The following PCDH11X variants were observed in gnomAD, a reference collection of about 807,000 sequenced individuals.
PCDH11X encodes the protein protocadherin 11 X-linked.
Under a neutral mutation model 53.3 loss-of-function variants are expected in PCDH11X, and 18 were observed. That is an observed-to-expected ratio of 0.34 (90% CI 0.23 to 0.50). PCDH11X has a LOEUF of 0.50. Ranked by LOEUF, PCDH11X falls within the 20% of genes least tolerant of loss-of-function variation. The probability of loss-of-function intolerance (pLI) is 0.98; values close to 1 mark genes in which losing one functional copy is unlikely to be tolerated. For missense variants in PCDH11X, 570 were observed against 1,032.4 expected (o/e 0.55, Z 6.14); for synonymous variants, 279 against 393.3 (o/e 0.71, Z 3.44).
At chrX:92,388,285 T>A (rs1023532861) in intron 9 of PCDH11X, among the ~76,000 whole-genome samples, 1 of 111,388 alleles carries the variant, frequency 9.0e-6, no homozygotes, top group African/African-American at 3.2e-5. Flanking sequence ...TATATAAAAA[T>A]TATTTTCTAG....
At chrX:92,393,195 A>C (rs1454087746) in intron 9 of PCDH11X, among the ~76,000 whole-genome samples, 9 of 110,804 alleles carry the variant, frequency 8.1e-5, no homozygotes, top group African/African-American at 2.6e-4. Context: ...CCACTTAACA[A>C]AAAGAAATTA....
chrX:92,182,692 C>T lies in PCDH11X; in HGVS notation c.3034-18683C>T, dbSNP rs151108917. Among the ~76,000 whole-genome samples, 1,045 of 111,910 alleles carry T rather than the reference C, an allele frequency of 9.3e-3. 14 individuals carry two copies. Among genetic ancestry groups the T allele is most frequent in the African/African-American group, 0.032 (977 of 30,800 alleles). ...AGAGGAGTTCCTCTGTGCAAGCTCT[C>T]GCTCTTTGCTTACTGCCATCCATGT... On this transcript the variant is annotated intron_variant, in intron 6 of 10. Transcript: ENST00000682573.
intron 6 of PCDH11X, among the ~76,000 whole-genome samples, chrX:92,037,801 T>C (rs2063149288): frequency 9.0e-6 from 1 of 111,193 alleles, no homozygotes; most frequent in Admixed American, 9.6e-5. Context: ...TCAGTGATGT[T>C]GAGGGTTTTT....
At chrX:92,315,071 G>T (rs1201869468) in intron 8 of PCDH11X, among the ~76,000 whole-genome samples, 1 of 111,141 alleles carries the variant, frequency 9.0e-6, no homozygotes, top group Non-Finnish European at 1.9e-5. Context: ...ATGTCCCTGT[G>T]AAGTAAATGC....
chrX:91,994,820 GT>G (rs1308498356), intron 6 of PCDH11X, among the ~76,000 whole-genome samples: 2 of 110,672 alleles, frequency 1.8e-5, no homozygotes, highest in Non-Finnish European at 3.8e-5. Context: ...TGTTTTTACT[GT>G]TTTTTATAAT....
At chrX:92,309,063 G>A (rs893402355) in intron 8 of PCDH11X, among the ~76,000 whole-genome samples, 6 of 111,774 alleles carry the variant, frequency 5.4e-5, no homozygotes, top group Admixed American at 2.8e-4. Context: ...TGCAGCTGTT[G>A]TGAAACTGAG....
intron 8 of PCDH11X, among the ~76,000 whole-genome samples, chrX:92,315,261 C>A (rs1332776336): frequency 8.9e-6 from 1 of 112,144 alleles, no homozygotes; most frequent in East Asian, 2.8e-4. Flanking sequence ...CCTGCCAGAT[C>A]TATATAGCAT....
chrX:92,052,880 A>T (rs1170437892), intron 6 of PCDH11X, among the ~76,000 whole-genome samples: 2 of 111,245 alleles, frequency 1.8e-5, no homozygotes, highest in African/African-American at 6.5e-5. Flanking sequence ...AGAAAATTGT[A>T]CTATTTACTA....
chrX:92,441,489 C>T (rs2072514272), intron 9 of PCDH11X, among the ~76,000 whole-genome samples: 1 of 112,171 alleles, frequency 8.9e-6, no homozygotes, highest in Non-Finnish European at 1.9e-5. Context: ...GTCCCAGCTG[C>T]TCCAGTCATG....
chrX:92,109,186 C>T (rs904718568), intron 6 of PCDH11X, among the ~76,000 whole-genome samples: 17 of 110,970 alleles, frequency 1.5e-4, no homozygotes, highest in Non-Finnish European at 2.3e-4. Flanking sequence ...GCCTGGCTAA[C>T]GTGGTGAAAC....
chrX:92,405,879 G>C (rs898087043), intron 9 of PCDH11X, among the ~76,000 whole-genome samples: 12 of 110,600 alleles, frequency 1.1e-4, no homozygotes, highest in African/African-American at 4.0e-4. Context: ...TGGATCACGA[G>C]GTCAGGAGAT....
intron 8 of PCDH11X, among the ~76,000 whole-genome samples, chrX:92,292,791 A>G (rs2068518610): frequency 8.9e-6 from 1 of 112,281 alleles, no homozygotes; most frequent in Non-Finnish European, 1.9e-5. Context: ...TGAGATGTAG[A>G]GGAAAAAGAA....
chrX:92,036,192 G>A (rs2063123311), intron 6 of PCDH11X, among the ~76,000 whole-genome samples: 1 of 104,334 alleles, frequency 9.6e-6, no homozygotes, highest in East Asian at 3.1e-4. Flanking sequence ...ATGTTTTCCT[G>A]GAGGTTACTG....
At chrX:91,880,054 G>T (rs912152463) in intron 6 of PCDH11X, 3 of 454,954 alleles carry the variant, frequency 6.6e-6, no homozygotes, top group Non-Finnish European at 8.1e-6. Flanking sequence ...TAGGCACAAA[G>T]AAAACTGTGG....
intron 4 of PCDH11X, 38 bp downstream of exon 4, chrX:91,811,333 T>C (rs772794024): frequency 1.9e-6 from 2 of 1,078,888 alleles, no homozygotes; most frequent in Admixed American, 4.8e-5. Flanking sequence ...ATACGTCTCC[T>C]TTCCTCTGGG....
At chrX:92,257,253 C>T (rs2067611509) in intron 7 of PCDH11X, among the ~76,000 whole-genome samples, 1 of 111,187 alleles carries the variant, frequency 9.0e-6, no homozygotes, top group Admixed American at 9.6e-5. Context: ...TTCATGAGAA[C>T]TCCACCCCCA....
At chrX:91,918,602 C>A (rs1404114444) in intron 6 of PCDH11X, among the ~76,000 whole-genome samples, 2 of 110,173 alleles carry the variant, frequency 1.8e-5, no homozygotes, top group African/African-American at 6.6e-5. Flanking sequence ...TGTACTTGAT[C>A]TAAAATCTGT....
At chrX:92,357,034 G>A (rs1295754317) in intron 8 of PCDH11X, among the ~76,000 whole-genome samples, 1 of 110,884 alleles carries the variant, frequency 9.0e-6, no homozygotes, top group African/African-American at 3.3e-5. Flanking sequence ...TGAGGATGGA[G>A]CAAAGTTCAA....
chrX:92,367,242 T>G (rs1339110911), intron 8 of PCDH11X, among the ~76,000 whole-genome samples: 1 of 111,928 alleles, frequency 8.9e-6, no homozygotes, highest in African/African-American at 3.3e-5. Flanking sequence ...TTTACCATTA[T>G]GTAATGCCCT....
Sources: allele counts gnomAD v4.1 joint callset (sites outside exome capture counted in the v4.1 genomes callset), GRCh38; gene constraint gnomAD v4.1.1; transcripts MANE v1.5; gene names NCBI Gene and HGNC (gene_info 2026-07-23, HGNC 2026-07-21).